LRP6: variants seen among roughly 807,000 people sequenced by gnomAD.
LRP6 encodes low-density lipoprotein receptor-related protein 6.
LRP6 carries 43 observed loss-of-function variants against 184.1 expected under a neutral mutation model. The observed-to-expected ratio is 0.23, with a 90% CI of 0.18 to 0.30. LRP6 has a LOEUF of 0.30. Ranked by LOEUF, LRP6 falls within the 10% of genes least tolerant of loss-of-function variation. The probability of loss-of-function intolerance (pLI) is 1.00; values close to 1 mark genes in which losing one functional copy is unlikely to be tolerated. For synonymous variants in LRP6, 719 were observed against 684.9 expected (o/e 1.05, Z -0.78); for missense variants, 1,571 against 2,005.3 (o/e 0.78, Z 4.14).
At chr12:12,225,871 C>CAAAAA (rs748835751) in intron 2 of LRP6, among the ~76,000 whole-genome samples, 9 of 117,118 alleles carry the variant, frequency 7.7e-5, no homozygotes, top group African/African-American at 2.9e-4. Flanking sequence ...GACTGTGTCT[C>CAAAAA]AAAAAAAAAA....
chr12:12,231,741 G>A (rs938422576), intron 2 of LRP6, among the ~76,000 whole-genome samples: 6 of 151,194 alleles, frequency 4.0e-5, no homozygotes, highest in Admixed American at 2.0e-4. Context: ...GCTGAGCAGC[G>A]CAGTGGCTCA....
intron 3 of LRP6, among the ~76,000 whole-genome samples, chr12:12,191,863 G>GA (rs1187306110): frequency 6.6e-6 from 1 of 151,646 alleles, no homozygotes; most frequent in Admixed American, 6.6e-5. Flanking sequence ...TTACATAATA[G>GA]AAAAAAATAT....
intron 1 of LRP6, among the ~76,000 whole-genome samples, chr12:12,252,890 A>G (rs1162922051): frequency 6.6e-6 from 1 of 152,158 alleles, no homozygotes; most frequent in Non-Finnish European, 1.5e-5. Context: ...TCTTAGGATT[A>G]TATGTCTTTA....
rs1264270290 is a variant in LRP6 at position 12,187,129 on chromosome 12, T to C, written c.648-10A>G. 6.2e-7 allele frequency: 1 copy of C among 1,612,806 alleles called. No homozygotes were observed. Among genetic ancestry groups the C allele is most frequent in the East Asian group, 2.2e-5 (1 of 44,800 alleles). ...TTTAACCACTGCCTGCCTATTAACA[T>C]AAAGAGAAAAATTTAAACTTATTTC... On this transcript the variant is annotated splice_polypyrimidine_tract_variant and intron_variant, in intron 3 of 22. Transcript: ENST00000261349.
At chr12:12,216,540 A>G (rs1056292758) in intron 2 of LRP6, among the ~76,000 whole-genome samples, 8 of 152,034 alleles carry the variant, frequency 5.3e-5, no homozygotes, top group African/African-American at 1.7e-4. Context: ...GGGGCCTAGA[A>G]TGACTCAGGA....
At position 12,232,586 on chromosome 12, in the gene LRP6, CA is replaced by C. The variant is rs34155963; in HGVS notation, c.449+11675del. On this transcript the variant is annotated intron_variant, in intron 2 of 22. Transcript: ENST00000261349. Reference sequence around the variant, plus strand: ...ACCTTAAGCAAGAATCCAGCAGGTGCAAAAAAAAAAAAAAACAGAAGTAGAT... The same window carrying C: ...ACCTTAAGCAAGAATCCAGCAGGTGCAAAAAAAAAAAAAACAGAAGTAGAT... 1.3e-3 allele frequency among the ~76,000 whole-genome samples: 145 copies of C among 115,692 alleles called. 1 individual carries two copies. Among genetic ancestry groups the C allele is most frequent in the African/African-American group, 3.8e-3 (93 of 24,182 alleles). 75.9% of individuals were successfully genotyped at this position (115,692 alleles called of 152,430 possible).
At chr12:12,257,890 C>G (rs1865511086) in intron 1 of LRP6, among the ~76,000 whole-genome samples, 1 of 149,210 alleles carries the variant, frequency 6.7e-6, no homozygotes, top group East Asian at 2.0e-4. Context: ...TCGCCTGAGA[C>G]CAGGAGGTCC....
intron 12 of LRP6, among the ~76,000 whole-genome samples, chr12:12,151,901 G>A (rs1327783373): frequency 6.6e-6 from 1 of 152,028 alleles, no homozygotes; most frequent in Non-Finnish European, 1.5e-5. Context: ...GTATTAACAG[G>A]CACTGAAACC....
In LRP6 at chr12:12,130,816, C is replaced by T; in HGVS notation, c.4048G>A (p.Asp1350Asn). Residue 1350 changes from aspartate to asparagine, a missense_variant, in exon 19 of 23, where the codon GAT (aspartate) becomes AAT (asparagine). Coordinates refer to ENST00000261349, the MANE Select transcript of LRP6 (RefSeq NM_002336.3). Reference protein sequence around the residue: ...GKHKKCDHNVDCSDKSDELDC... With the variant: ...GKHKKCDHNVNCSDKSDELDC... ...AGTTCATCTGACTTGTCACTGCAAT[C>T]CACATTATGATCACACTTCTTGTGC... 2 of 1,613,282 alleles carry T rather than the reference C, an allele frequency of 1.2e-6. No individual in the cohort carries two copies. Among genetic ancestry groups the T allele is most frequent in the Non-Finnish European group, 1.7e-6 (2 of 1,179,256 alleles).
At chr12:12,178,585 A>G (rs1055593774) in intron 7 of LRP6, among the ~76,000 whole-genome samples, 1 of 152,214 alleles carries the variant, frequency 6.6e-6, no homozygotes, top group African/African-American at 2.4e-5. Flanking sequence ...TCTATATTCA[A>G]GCTGACCAAA....
intron 19 of LRP6, among the ~76,000 whole-genome samples, chr12:12,129,151 G>A (rs1009634825): frequency 5.9e-5 from 9 of 152,172 alleles, no homozygotes; most frequent in Non-Finnish European, 1.3e-4. Context: ...TCACATCTCT[G>A]TATTCCTCTT....
In LRP6 at chr12:12,209,055, A is replaced by G. The variant is rs189660644; in HGVS notation, c.450-5655T>C. Among the ~76,000 whole-genome samples, 221 of 152,306 alleles carry G rather than the reference A, an allele frequency of 1.5e-3. 1 individual carries two copies. Among genetic ancestry groups the G allele is most frequent in the Non-Finnish European group, 2.7e-3 (183 of 68,014 alleles). On this transcript the variant is annotated intron_variant, in intron 2 of 22. Coordinates refer to ENST00000261349, the MANE Select transcript of LRP6 (RefSeq NM_002336.3). ...GAAATAAGAAGTTACTCTCACTGCA[A>G]TATCTACTAATCTATACTCTGCGCC...
intron 2 of LRP6, among the ~76,000 whole-genome samples, chr12:12,206,914 C>T (rs1195910409): frequency 6.6e-6 from 1 of 151,476 alleles, no homozygotes; most frequent in African/African-American, 2.4e-5. Context: ...AGCAAATTCT[C>T]TCCCTTAAGC....
intron 17 of LRP6, among the ~76,000 whole-genome samples, chr12:12,134,715 T>G (rs999359197): frequency 6.6e-6 from 1 of 151,994 alleles, no homozygotes; most frequent in African/African-American, 2.4e-5. Context: ...TTACAGGAGG[T>G]AGAATTAATT....
intron 2 of LRP6, among the ~76,000 whole-genome samples, chr12:12,218,103 G>T (rs1210877877): frequency 6.6e-6 from 1 of 152,122 alleles, no homozygotes; most frequent in Non-Finnish European, 1.5e-5. Flanking sequence ...CACAGAACAG[G>T]AAATCAGTAT....
chr12:12,165,878 A>C (rs912518072), intron 7 of LRP6, among the ~76,000 whole-genome samples: 1 of 152,120 alleles, frequency 6.6e-6, no homozygotes, highest in African/African-American at 2.4e-5. Context: ...TATAATCACA[A>C]AAGTATCGGG....
chr12:12,239,425 C>T (rs7134001), intron 2 of LRP6, among the ~76,000 whole-genome samples: 122,828 of 152,152 alleles, frequency 0.81, 49,693 homozygotes, highest in East Asian at 0.83. Flanking sequence ...GGAAACAGTA[C>T]AAAACTCAAT....
At position 12,244,323 on chromosome 12, in the gene LRP6, T is replaced by C; in HGVS notation, c.388A>G (p.Lys130Glu). 6.2e-7 allele frequency: 1 copy of C among 1,614,188 alleles called. No individual in the cohort carries two copies. The stretch of plus-strand genomic sequence containing the variant: ...TCCAACTCTTGCCAAAATAAAACTT[T>C]TCGTAAAGATCCATCTAAATTAGAA... ...EVSNLDGSLR[K>E]VLFWQELDQP... The change falls in exon 2 of 23, where the codon AAA becomes GAA. Residue 130 changes from lysine (K) to glutamate (E), a missense_variant. Coordinates refer to ENST00000261349, the MANE Select transcript of LRP6 (RefSeq NM_002336.3).
intron 12 of LRP6, 146 bp downstream of exon 12, chr12:12,158,683 C>T: frequency 1.3e-6 from 1 of 748,200 alleles, no homozygotes; most frequent in Non-Finnish European, 2.2e-6. Context: ...AAGTAACAAA[C>T]ACTTGCATTC....
Sources: gnomAD v4.1 joint callset for allele counts (sites outside exome capture counted in the v4.1 genomes callset) on GRCh38, gnomAD v4.1.1 for gene constraint, MANE v1.5 for transcripts, NCBI Gene and HGNC (gene_info 2026-07-23, HGNC 2026-07-21) for gene names.